MESD: variants seen among roughly 807,000 people sequenced by gnomAD.
MESD encodes the protein mesoderm development LRP chaperone, also known as LRP chaperone MESD.
MESD carries 7 observed loss-of-function variants against 12.9 expected under a neutral mutation model. The observed-to-expected ratio is 0.54, with a 90% CI of 0.31 to 1.02. The LOEUF (loss-of-function observed/expected upper bound fraction) is 1.02, where lower values mean the gene tolerates loss of function less well. Ranked by LOEUF, MESD falls within the 50% of genes least tolerant of loss-of-function variation. MESD has a pLI of 0.05. For missense variants in MESD, 342 were observed against 296.7 expected (o/e 1.15, Z -1.12); for synonymous variants, 126 against 115.6 (o/e 1.09, Z -0.58).
chr15:80,973,875 C>T (rs543128034), downstream of MESD, among the ~76,000 whole-genome samples: 1 of 152,268 alleles, frequency 6.6e-6, no homozygotes, highest in Admixed American at 6.5e-5. Context: ...CAAGTGCCTC[C>T]TGCCTTTGCC....
intron 3 of MESD, among the ~76,000 whole-genome samples, chr15:80,967,460 T>C (rs1309242707): frequency 6.6e-6 from 1 of 152,178 alleles, no homozygotes; most frequent in Non-Finnish European, 1.5e-5. Flanking sequence ...TTCCAGACCC[T>C]GGCATGTAAA....
rs990247201 is a variant in MESD, at chr15:80,955,740, C to T, written c.*289-3444G>A. On this transcript the variant is annotated intron_variant, in intron 3 of 4. Transcript: ENST00000561312. ...GGTTCAAGCGATTCTCCTGCCTCAGCCTCCTGAGTAGCTGGGATTACAGGC... is the reference window on the plus strand; with the variant it reads ...GGTTCAAGCGATTCTCCTGCCTCAGTCTCCTGAGTAGCTGGGATTACAGGC... Among the ~76,000 whole-genome samples, 3 of 151,594 alleles carry T rather than the reference C, an allele frequency of 2.0e-5. 1 individual carries two copies. Among genetic ancestry groups the T allele is most frequent in the Admixed American group, 1.3e-4 (2 of 15,240 alleles).
intron 1 of MESD, among the ~76,000 whole-genome samples, chr15:80,985,845 G>A (rs145808835): frequency 5.3e-4 from 80 of 151,842 alleles, no homozygotes; most frequent in Admixed American, 9.2e-4. Context: ...TGGTAAAGAC[G>A]GGTTTCACCA....
In MESD at chr15:80,975,754, G is replaced by C. The variant is rs1311890564; in HGVS notation, c.*3465C>G. ...TATATCTGATACAGGTTTCATAATT[G>C]ATAGTCAAAAGATATCATCCAAATT... On this transcript the variant is annotated 3_prime_UTR_variant, in exon 3 of 3. Transcript: ENST00000261758. 5 of 152,102 alleles carry C rather than the reference G, an allele frequency of 3.3e-5. No homozygotes were observed. The highest frequency in any genetic ancestry group is 7.4e-5 in the Non-Finnish European group (5 of 68,018). 9.4% of individuals were successfully genotyped at this position (152,102 alleles called of 1,614,324 possible). A position where few individuals can be genotyped will look rare whatever the true frequency, so the allele number is the denominator to read the frequency against.
At chr15:80,952,551 T>C (rs1217515860) in intron 3 of MESD, among the ~76,000 whole-genome samples, 2 of 151,728 alleles carry the variant, frequency 1.3e-5, no homozygotes, top group African/African-American at 4.8e-5. Flanking sequence ...CAGAGAGTTC[T>C]TCTCTTGATT....
In MESD at chr15:80,976,618, T is replaced by C. The variant is rs1204967540; in HGVS notation, c.*2601A>G. ...AAGGCTGGCAAGGATAGATCTATTGTTGGCAAGGGTAAGCTGACTAAACCA... is the reference window on the plus strand; with the variant it reads ...AAGGCTGGCAAGGATAGATCTATTGCTGGCAAGGGTAAGCTGACTAAACCA... On this transcript the variant is annotated 3_prime_UTR_variant, in exon 3 of 3. Transcript: ENST00000261758. The C allele has an allele frequency of 1.3e-5, 2 of 152,196 alleles. No individual in the cohort carries two copies. Among genetic ancestry groups the C allele is most frequent in the African/African-American group, 2.4e-5 (1 of 41,434 alleles). 9.4% of individuals were successfully genotyped at this position (152,196 alleles called of 1,614,324 possible). A position where few individuals can be genotyped will look rare whatever the true frequency, so the allele number is the denominator to read the frequency against.
rs10570822 is a variant in MESD, at chr15:80,983,894, C to CTTTTT, written c.214-1717_214-1713dup. Among the ~76,000 whole-genome samples the CTTTTT allele has an allele frequency of 3.7e-3, 327 of 88,480 alleles. 11 individuals carry two copies. The highest frequency in any genetic ancestry group is 4.6e-3 in the African/African-American group (112 of 24,562). The allele number at this position is 88,480 out of a possible 152,430, so 58.0% of individuals were successfully genotyped here. On this transcript the variant is annotated intron_variant, in intron 1 of 2. Coordinates refer to ENST00000261758, the MANE Select transcript of MESD (RefSeq NM_015154.3). ...ATAAATTACTAATAGAAAACAGTAA[C>CTTTTT]TTTTTTTTTTTTTTTTTTTTTTTTT...
chr15:80,957,114 C>G (rs754258272), intron 3 of MESD, among the ~76,000 whole-genome samples: 1 of 152,126 alleles, frequency 6.6e-6, no homozygotes, highest in Non-Finnish European at 1.5e-5. Flanking sequence ...TATGAACCAC[C>G]ATGCTCAGCT....
intron 1 of MESD, among the ~76,000 whole-genome samples, chr15:80,984,594 G>A (rs1902679407): frequency 6.6e-6 from 1 of 152,162 alleles, no homozygotes; most frequent in South Asian, 2.1e-4. Context: ...GGCTGGCTAG[G>A]GAGTTGGGAG....
chr15:80,948,825 C>A (rs757910996), exon 5 of MESD: 1 of 1,614,222 alleles, frequency 6.2e-7, no homozygotes, highest in South Asian at 1.1e-5. Context: ...GCTTCAAAGG[C>A]AGCTTCCGGC....
downstream of MESD, chr15:80,947,220 G>A: frequency 6.4e-6 from 4 of 625,062 alleles, no homozygotes; most frequent in East Asian, 2.8e-5. Flanking sequence ...GTGGTCTACT[G>A]GAATGGATGG....
At chr15:80,987,184 G>A (rs1596239673) in intron 1 of MESD, among the ~76,000 whole-genome samples, 1 of 152,180 alleles carries the variant, frequency 6.6e-6, no homozygotes, top group African/African-American at 2.4e-5. Context: ...ACACCTCTGA[G>A]GCACAGCCTC....
chr15:80,985,855 A>G (rs1902716395), intron 1 of MESD, among the ~76,000 whole-genome samples: 1 of 151,912 alleles, frequency 6.6e-6, no homozygotes, highest in African/African-American at 2.4e-5. Context: ...GGGTTTCACC[A>G]TGTTGCCCAG....
In MESD at chr15:80,986,277, T is replaced by C. The variant is rs530666041; in HGVS notation, c.213+3302A>G. ...TAGAGGCTGGGAAGTGGAGGGGAGA[T>C]AGGGAGAGAGGATGGTGAATGGATA... On this transcript the variant is annotated intron_variant, in intron 1 of 2. Coordinates refer to ENST00000261758, the MANE Select transcript of MESD (RefSeq NM_015154.3). 4.6e-5 allele frequency among the ~76,000 whole-genome samples: 7 copies of C among 152,064 alleles called. No individual in the cohort carries two copies. The South Asian group carries it at 8.3e-4, about 18-fold the overall frequency.
At position 80,960,218 on chromosome 15, in the gene MESD, A is replaced by G. The variant is rs556745555; in HGVS notation, c.*289-7922T>C. Among the ~76,000 whole-genome samples, 6 of 152,214 alleles carry G rather than the reference A, an allele frequency of 3.9e-5. No homozygotes were observed. The South Asian group carries it at 1.2e-3, about 32-fold the overall frequency. ...CATCTCTACAAAAAACACAAAAATT[A>G]GTTGGGTGTGGTGGCACCCACCTGT... On this transcript the variant is annotated intron_variant, in intron 3 of 4. Coordinates refer to the MESD transcript ENST00000561312.
intron 3 of MESD, among the ~76,000 whole-genome samples, chr15:80,959,474 TAGAA>T (rs879284803): frequency 2.0e-5 from 3 of 152,264 alleles, no homozygotes; most frequent in Admixed American, 2.0e-4. Flanking sequence ...GGGTTCCTGA[TAGAA>T]AGAGGATATA....
chr15:80,985,874 C>T (rs1230833477), intron 1 of MESD, among the ~76,000 whole-genome samples: 1 of 151,872 alleles, frequency 6.6e-6, no homozygotes, highest in South Asian at 2.1e-4. Flanking sequence ...AGGCTGGTCT[C>T]GAACTCCTGA....
intron 1 of MESD, among the ~76,000 whole-genome samples, chr15:80,987,724 G>C (rs988801735): frequency 3.9e-5 from 6 of 152,144 alleles, no homozygotes; most frequent in Non-Finnish European, 7.4e-5. Flanking sequence ...CCTGACCTCA[G>C]GTGATGCACC....
chr15:80,952,916 C>G, intron 3 of MESD: 1 of 454,926 alleles, frequency 2.2e-6, no homozygotes, highest in Non-Finnish European at 4.4e-6. Context: ...CAGAATGACC[C>G]CATGGAGAAC....
Sources: allele counts gnomAD v4.1 joint callset (sites outside exome capture counted in the v4.1 genomes callset), GRCh38; gene constraint gnomAD v4.1.1; transcripts MANE v1.5; gene names NCBI Gene and HGNC (gene_info 2026-07-23, HGNC 2026-07-21).